The following DERA variants were observed in gnomAD, a reference collection of about 807,000 sequenced individuals.
DERA encodes 2-deoxy-D-ribose 5-phosphate aldolase.
DERA carries 15 observed loss-of-function variants against 41.1 expected under a neutral mutation model. That is an observed-to-expected ratio of 0.37 (90% CI 0.24 to 0.56). The LOEUF is 0.56. Among genes scored for constraint, DERA ranks in the 20% least tolerant of loss-of-function variants. DERA has a pLI of 0.81. For synonymous variants in DERA, 139 were observed against 137.4 expected, an observed-to-expected ratio of 1.01 and a Z score of -0.08; for missense variants, 396 against 403.4, an observed-to-expected ratio of 0.98 and a Z score of 0.16.
In DERA at chr12:15,959,090, A is replaced by G. The variant is rs567382554; in HGVS notation, c.278-739A>G. 3.3e-5 allele frequency among the ~76,000 whole-genome samples: 5 copies of G among 152,014 alleles called. No individual in the cohort carries two copies. In the South Asian group the frequency reaches 6.3e-4, roughly 19 times the overall value. On this transcript the variant is annotated intron_variant, in intron 3 of 8. Coordinates refer to ENST00000428559, the MANE Select transcript of DERA (RefSeq NM_015954.4). The surrounding 1 kb of genome is among the most constrained non-coding windows in gnomAD (Gnocchi z 4.5). The stretch of plus-strand genomic sequence containing the variant: ...CAACTGGAGACGTTGAATTGGCCCA[A>G]TGCAGGTCTTTTATCCCAAATAAAC...
At chr12:15,956,163 G>A (rs1441848935) in intron 1 of DERA, among the ~76,000 whole-genome samples, 3 of 152,180 alleles carry the variant, frequency 2.0e-5, no homozygotes, top group African/African-American at 7.2e-5. Flanking sequence ...AAGTTCTGTG[G>A]TAGAGATCTA....
chr12:16,013,669 A>G lies in DERA; in HGVS notation c.638-18873A>G, dbSNP rs1221549908. On this transcript the variant is annotated intron_variant, in intron 6 of 8. Transcript: ENST00000428559. The surrounding 1 kb of genome is among the most constrained non-coding windows in gnomAD (Gnocchi z 5.8). ...GGTACCGAGGTAGTGGGACACTGCT[A>G]TAAGGATACCCGAAAATGCGGAAGC... Among the ~76,000 whole-genome samples, 5 of 152,232 alleles carry G rather than the reference A, an allele frequency of 3.3e-5. No individual in the cohort carries two copies. The East Asian group carries it at 9.6e-4, about 29-fold the overall frequency.
Position 16,019,295 on chromosome 12 carries a change from T to G in DERA, c.638-13247T>G, listed in dbSNP as rs937702659. Among the ~76,000 whole-genome samples the G allele has an allele frequency of 2.6e-5, 4 of 152,332 alleles. No homozygotes were observed. The highest frequency in any genetic ancestry group is 2.6e-4 in the Admixed American group (4 of 15,306). On this transcript the variant is annotated intron_variant, in intron 6 of 8. Transcript: ENST00000428559. The surrounding 1 kb of genome is among the most constrained non-coding windows in gnomAD (Gnocchi z 4.4). ...TATTCCTCACTTAAAAAATAGCCAG[T>G]GTCTGCATGCCTGAACTATTTTTAA...
At position 15,911,632 on chromosome 12, in the gene DERA, A is replaced by G. The variant is rs1948164500; in HGVS notation, c.31+218A>G. 4.3e-6 allele frequency: 3 copies of G among 696,792 alleles called. No homozygotes were observed. Among genetic ancestry groups the G allele is most frequent in the Non-Finnish European group, 7.8e-6 (3 of 382,268 alleles). The allele number at this position is 696,792 out of a possible 1,614,324, so 43.2% of individuals were successfully genotyped here. On this transcript the variant is annotated intron_variant, in intron 1 of 8. Transcript: ENST00000428559. This position sits in a 1 kb window ranked among gnomAD's most constrained non-coding sequence, Gnocchi z 4.5. ...TTTGCACCTAAGCTTTTACTCTTGT[A>G]TGCGGAAGGAGTAGGAAAGGGTTAG...
rs1948740931 is a variant in DERA, at chr12:15,982,662, A to G, written c.637+226A>G. Among the ~76,000 whole-genome samples the G allele has an allele frequency of 2.0e-5, 3 of 152,110 alleles. No individual in the cohort carries two copies. Among genetic ancestry groups the G allele is most frequent in the Admixed American group, 2.0e-4 (3 of 15,268 alleles). On this transcript the variant is annotated intron_variant, in intron 6 of 8. Transcript: ENST00000428559. This position sits in a 1 kb window ranked among gnomAD's most constrained non-coding sequence, Gnocchi z 4.0. ...GTGTGTGGCATTTCATTGCTGCACT[A>G]TGCTTATAAGGCAGTAGATGGCTCT...
rs1451754556 is a variant in DERA at position 15,967,412 on chromosome 12, AC to A, written c.508+4468del. ...GAAATGGCCTGAGCAAGAGAGTGAG[AC>A]CCTGTCTCAAACAAACAAACAAACA... On this transcript the variant is annotated intron_variant, in intron 5 of 8. Transcript: ENST00000428559. This position sits in a 1 kb window ranked among gnomAD's most constrained non-coding sequence, Gnocchi z 4.9. Among the ~76,000 whole-genome samples the A allele has an allele frequency of 1.3e-5, 2 of 152,054 alleles. No individual in the cohort carries two copies. Among genetic ancestry groups the A allele is most frequent in the African/African-American group, 4.8e-5 (2 of 41,392 alleles).
rs1012130774 is a variant in DERA, at chr12:15,959,763, A to G, written c.278-66A>G. The G allele has an allele frequency of 4.2e-5, 46 of 1,107,278 alleles. No individual in the cohort carries two copies. The highest frequency in any genetic ancestry group is 5.6e-5 in the Non-Finnish European group (43 of 764,184). The allele number at this position is 1,107,278 out of a possible 1,614,324, so 68.6% of individuals were successfully genotyped here. A position where few individuals can be genotyped will look rare whatever the true frequency, so the allele number is the denominator to read the frequency against. ...TTGCCAGTGTTGCGATATAAATAAT[A>G]ATTAAAAGCATGTTGTATGAGTTGA... On this transcript the variant is annotated intron_variant, in intron 3 of 8. Transcript: ENST00000428559. This position sits in a 1 kb window ranked among gnomAD's most constrained non-coding sequence, Gnocchi z 4.5.
Position 15,981,404 on chromosome 12 carries a change from C to T in DERA, c.509-904C>T, listed in dbSNP as rs2136161802. 6.6e-6 allele frequency among the ~76,000 whole-genome samples: 1 copy of T among 152,130 alleles called. No individual in the cohort carries two copies. The highest frequency in any genetic ancestry group is 2.4e-5 in the African/African-American group (1 of 41,526). On this transcript the variant is annotated intron_variant, in intron 5 of 8. Coordinates refer to ENST00000428559, the MANE Select transcript of DERA (RefSeq NM_015954.4). The surrounding 1 kb of genome is among the most constrained non-coding windows in gnomAD (Gnocchi z 6.1). ...ACTTCCTATGAAAGATACTCAAATACAAAGGAAAGAAAAAGCCTTGGTCTT... is the reference window on the plus strand; with the variant it reads ...ACTTCCTATGAAAGATACTCAAATATAAAGGAAAGAAAAAGCCTTGGTCTT...
Position 15,923,072 on chromosome 12 carries a change from G to T in DERA, c.31+11658G>T, listed in dbSNP as rs757305476. ...GAGTCTCGCTCTGTCGCCCAGGCTGGAGTGCAGTGGCGCGATCTCGGCTCA... is the reference window on the plus strand; with the variant it reads ...GAGTCTCGCTCTGTCGCCCAGGCTGTAGTGCAGTGGCGCGATCTCGGCTCA... On this transcript the variant is annotated intron_variant, in intron 1 of 8. Transcript: ENST00000428559. Among the ~76,000 whole-genome samples, 55 of 143,124 alleles carry T rather than the reference G, an allele frequency of 3.8e-4. 1 individual carries two copies. Among genetic ancestry groups the T allele is most frequent in the Non-Finnish European group, 6.2e-4 (41 of 66,324 alleles). The allele number at this position is 143,124 out of a possible 152,430, so 93.9% of individuals were successfully genotyped here. A position where few individuals can be genotyped will look rare whatever the true frequency, so the allele number is the denominator to read the frequency against.
intron 4 of DERA, among the ~76,000 whole-genome samples, chr12:15,960,207 T>TATACAC (rs1555152729): frequency 6.9e-6 from 1 of 145,534 alleles, no homozygotes; most frequent in African/African-American, 2.5e-5. Context: ...TATATATATA[T>TATACAC]ACACACACAC....
intron 6 of DERA, among the ~76,000 whole-genome samples, chr12:16,025,941 C>A (rs79751211): frequency 0.013 from 1,918 of 152,028 alleles, 52 homozygotes; most frequent in African/African-American, 0.044. Flanking sequence ...ACAACACACT[C>A]CTAAATAACA....
intron 5 of DERA, among the ~76,000 whole-genome samples, chr12:15,971,013 C>T (rs1156825454): frequency 6.6e-6 from 1 of 152,112 alleles, no homozygotes; most frequent in Non-Finnish European, 1.5e-5. Context: ...AAGGAGTGTC[C>T]ACACCATGGG....
At chr12:15,977,479 T>G (rs947268519) in intron 5 of DERA, among the ~76,000 whole-genome samples, 4 of 152,174 alleles carry the variant, frequency 2.6e-5, no homozygotes, top group African/African-American at 9.6e-5. Context: ...TGAGATGGAA[T>G]TTTGCTCTTA....
In DERA at chr12:16,001,623, G is replaced by A. The variant is rs1402256183; in HGVS notation, c.637+19187G>A. ...ACCAATTTCTGGAGGATCTGCCTGA[G>A]TTTATATCCTTTAGATAGTAGTAAC... On this transcript the variant is annotated intron_variant, in intron 6 of 8. Transcript: ENST00000428559. This position sits in a 1 kb window ranked among gnomAD's most constrained non-coding sequence, Gnocchi z 4.1. 6.6e-6 allele frequency among the ~76,000 whole-genome samples: 1 copy of A among 152,170 alleles called. No individual in the cohort carries two copies. Among genetic ancestry groups the A allele is most frequent in the African/African-American group, 2.4e-5 (1 of 41,436 alleles).
rs1948961311 is a variant in DERA, at chr12:16,013,631, A to C, written c.638-18911A>C. On this transcript the variant is annotated intron_variant, in intron 6 of 8. Coordinates refer to ENST00000428559, the MANE Select transcript of DERA (RefSeq NM_015954.4). The surrounding 1 kb of genome is among the most constrained non-coding windows in gnomAD (Gnocchi z 5.8). ...CTTCATAGCATTATGAACATGGATT[A>C]ATACAGTAAATTGGTACCGAGGTAG... is the stretch of plus-strand genomic sequence containing the variant. 1.3e-5 allele frequency among the ~76,000 whole-genome samples: 2 copies of C among 152,234 alleles called. No individual in the cohort carries two copies. Among genetic ancestry groups the C allele is most frequent in the South Asian group, 4.1e-4 (2 of 4,834 alleles).
chr12:15,997,453 T>C (rs1348160249), intron 6 of DERA, among the ~76,000 whole-genome samples: 1 of 152,180 alleles, frequency 6.6e-6, no homozygotes, highest in Non-Finnish European at 1.5e-5. Flanking sequence ...TTGCCATCAC[T>C]AGAATAAAGA....
At chr12:15,933,235 G>A (rs1474429814) in intron 1 of DERA, among the ~76,000 whole-genome samples, 3 of 152,028 alleles carry the variant, frequency 2.0e-5, no homozygotes, top group Non-Finnish European at 4.4e-5. Context: ...ATTTTTTGAG[G>A]AACCTCTATA....
chr12:15,993,331 A>T lies in DERA; in HGVS notation c.637+10895A>T, dbSNP rs1039471691. On this transcript the variant is annotated intron_variant, in intron 6 of 8. Transcript: ENST00000428559. The surrounding 1 kb of genome is among the most constrained non-coding windows in gnomAD (Gnocchi z 4.4). Reference sequence around the variant, plus strand: ...TATATTTTTGAAAATTTAAATATGCATCAAATAGTAAAGTAAATGACAATG... The same window carrying T: ...TATATTTTTGAAAATTTAAATATGCTTCAAATAGTAAAGTAAATGACAATG... Among the ~76,000 whole-genome samples the T allele has an allele frequency of 6.6e-6, 1 of 152,178 alleles. No individual in the cohort carries two copies. The highest frequency in any genetic ancestry group is 1.5e-5 in the Non-Finnish European group (1 of 68,014).
chr12:16,002,586 A>ATTT (rs544173193), intron 6 of DERA, among the ~76,000 whole-genome samples: 1 of 152,138 alleles, frequency 6.6e-6, no homozygotes, highest in African/African-American at 2.4e-5. Context: ...TGTGGTTACC[A>ATTT]TTTTTTTGTG....
Sources: gnomAD v4.1 joint callset for allele counts (sites outside exome capture counted in the v4.1 genomes callset) on GRCh38, gnomAD v4.1.1 for gene constraint, Gnocchi (gnomAD v3.1) non-coding constraint, MANE v1.5 for transcripts, NCBI Gene and HGNC (gene_info 2026-07-23, HGNC 2026-07-21) for gene names.